The following MTA1 variants were observed in gnomAD, a reference collection of about 807,000 sequenced individuals.
MTA1 encodes metastasis-associated protein MTA1.
In MTA1, 15 loss-of-function variants were observed where a neutral mutation model predicts 97.0. That is an observed-to-expected ratio of 0.15 (90% confidence interval 0.10 to 0.24). The LOEUF (loss-of-function observed/expected upper bound fraction) is 0.24, where lower values mean the gene tolerates loss of function less well. Ranked by LOEUF, MTA1 falls within the 10% of genes least tolerant of loss-of-function variation. The pLI is 1.00. For synonymous variants in MTA1, 435 were observed against 417.5 expected, an observed-to-expected ratio of 1.04 and a Z score of -0.51; for missense variants, 709 against 1,015.1, an observed-to-expected ratio of 0.70 and a Z score of 4.10.
chr14:105,433,962 G>A (rs1324712636), intron 1 of MTA1, among the ~76,000 whole-genome samples: 1 of 152,088 alleles, frequency 6.6e-6, no homozygotes, highest in Non-Finnish European at 1.5e-5. Flanking sequence ...CACGTAGCTG[G>A]GACTACAGGT....
intron 13 of MTA1, 87 bp downstream of exon 13, chr14:105,464,234 C>T: frequency 6.8e-7 from 1 of 1,472,482 alleles, no homozygotes; most frequent in South Asian, 1.2e-5. Flanking sequence ...CCAGCATGGC[C>T]CAGCCTGCAA....
intron 7 of MTA1, among the ~76,000 whole-genome samples, chr14:105,455,589 C>T (rs1001470241): frequency 6.6e-6 from 1 of 152,244 alleles, no homozygotes; most frequent in Admixed American, 6.5e-5. Context: ...CTGTGTCGCC[C>T]AGGCTGGACT....
chr14:105,466,426 A>AGTGG lies in MTA1; in HGVS notation c.1626_1627insTGGG (p.Thr543TrpfsTer10). 1.3e-6 allele frequency: 2 copies of AGTGG among 1,484,200 alleles called. No individual in the cohort carries two copies. The highest frequency in any genetic ancestry group is 1.9e-6 in the Non-Finnish European group (2 of 1,071,300). The allele number at this position is 1,484,200 out of a possible 1,614,324, so 91.9% of individuals were successfully genotyped here. ...GTTCTGCCTGTGTCATTCCCGGCAG[A>AGTGG]GACCCACCCCCGCCCCCCCAAGCCT... On this transcript the variant is annotated frameshift_variant and splice_region_variant, in exon 17 of 21. Transcript: ENST00000331320. LOFTEE classifies it high-confidence loss of function.
In MTA1 at chr14:105,464,751, C is replaced by T. The variant is rs376573972; in HGVS notation, c.1422C>T (p.His474=). ...AGACCAGGCAGGCTTTCTATCTGCA[C>T]ACGACGAAGCTGACGCGGATCGCCC... The part of the protein sequence containing the change: ...AMKTRQAFYL[H]TTKLTRIARR... The change falls in exon 15 of 21, where the codon CAC becomes CAT. Residue 474 remains histidine (H), a synonymous_variant. Coordinates refer to ENST00000331320, the MANE Select transcript of MTA1 (RefSeq NM_004689.4). The T allele has an allele frequency of 6.8e-6, 11 of 1,610,104 alleles. No individual in the cohort carries two copies. Among genetic ancestry groups the T allele is most frequent in the South Asian group, 1.1e-5 (1 of 90,978 alleles).
chr14:105,433,353 C>T lies in MTA1; in HGVS notation c.29-5319C>T, dbSNP rs587664435. On this transcript the variant is annotated intron_variant, in intron 1 of 20. Transcript: ENST00000331320. ...CCGGTGTGGCTGCCCTCGGTCCCTCCGTCTCAGCCCCTCCAGAGGTCAGGC... is the reference window on the plus strand; with the variant it reads ...CCGGTGTGGCTGCCCTCGGTCCCTCTGTCTCAGCCCCTCCAGAGGTCAGGC... Among the ~76,000 whole-genome samples, 8 of 152,294 alleles carry T rather than the reference C, an allele frequency of 5.3e-5. No homozygotes were observed. The South Asian group carries it at 1.0e-3, about 20-fold the overall frequency.
At position 105,449,386 on chromosome 14, in the gene MTA1, CG is replaced by C; in HGVS notation, c.223del (p.Ala75ArgfsTer9). 6.2e-7 allele frequency: 1 copy of C among 1,612,326 alleles called. No homozygotes were observed. Among genetic ancestry groups the C allele is most frequent in the South Asian group, 1.1e-5 (1 of 90,938 alleles). On this transcript the variant is annotated frameshift_variant, in exon 4 of 21. Transcript: ENST00000331320. LOFTEE classifies it high-confidence loss of function. ...CTGTCAGTCTGCTATAAGGCCGGAC[CG>C]GGGGCGGACAACGGCGAGGAAGGTA... Reference protein sequence around the residue: ...ATLSVCYKAGPGADNGEEGEI... With the variant: ...ATLSVCYKAGXGADNGEEGEI...
chr14:105,449,267 G>C (rs2082829884), intron 3 of MTA1, 92 bp from the exon 4 acceptor site: 6 of 1,364,438 alleles, frequency 4.4e-6, no homozygotes, highest in Non-Finnish European at 6.0e-6. Context: ...CCTGCCCCCT[G>C]GCGGCACAGC....
chr14:105,420,138 G>T lies in MTA1; in HGVS notation c.28+75G>T, dbSNP rs2081775997. On this transcript the variant is annotated intron_variant, in intron 1 of 20. Coordinates refer to ENST00000331320, the MANE Select transcript of MTA1 (RefSeq NM_004689.4). This position sits in a 1 kb window ranked among gnomAD's most constrained non-coding sequence, Gnocchi z 5.3. ...ACCCGCCGCCGCTGCCGCCTCCCCC[G>T]CCCCTCTGCCCCGCAGGCCCCGCGC... The T allele has an allele frequency of 1.4e-6, 1 of 728,824 alleles. No individual in the cohort carries two copies. The highest frequency in any genetic ancestry group is 1.7e-6 in the Non-Finnish European group (1 of 601,348). The allele number at this position is 728,824 out of a possible 1,614,324, so 45.1% of individuals were successfully genotyped here. A position where few individuals can be genotyped will look rare whatever the true frequency, so the allele number is the denominator to read the frequency against.
intron 7 of MTA1, 100 bp from the exon 8 acceptor site, chr14:105,458,170 C>T (rs1168412251): frequency 4.4e-5 from 42 of 964,596 alleles, no homozygotes; most frequent in Middle Eastern, 2.7e-4. Context: ...GCAGCCCTTC[C>T]CCCTCCCCGT....
intron 18 of MTA1, 138 bp downstream of exon 18, chr14:105,466,880 C>T: frequency 1.2e-6 from 1 of 833,474 alleles, no homozygotes. Context: ...CAGCCCAGTT[C>T]CCCACATTCC....
intron 18 of MTA1, 124 bp from the exon 19 acceptor site, chr14:105,469,343 G>A: frequency 2.7e-6 from 3 of 1,098,370 alleles, no homozygotes. Context: ...CCTGGGTGTG[G>A]GCTGTGGCTT....
At position 105,463,654 on chromosome 14, in the gene MTA1, AG is replaced by A. The variant is rs2083447732; in HGVS notation, c.1076+105del. On this transcript the variant is annotated intron_variant, in intron 12 of 20. Transcript: ENST00000331320. The surrounding 1 kb of genome is among the most constrained non-coding windows in gnomAD (Gnocchi z 5.9). ...GGGTCCCAAGGAAACTCAAGCTCAG[AG>A]GCTGGGAAAGTTGGGGCAGCCCCCG... The A allele has an allele frequency of 8.1e-7, 1 of 1,237,446 alleles. No individual in the cohort carries two copies. Among genetic ancestry groups the A allele is most frequent in the African/African-American group, 1.5e-5 (1 of 66,260 alleles). The allele number at this position is 1,237,446 out of a possible 1,614,324, so 76.7% of individuals were successfully genotyped here. A position where few individuals can be genotyped will look rare whatever the true frequency, so the allele number is the denominator to read the frequency against.
In MTA1 at chr14:105,463,391, CCT is replaced by C; in HGVS notation, c.1018-98_1018-97del. 6.6e-7 allele frequency: 1 copy of C among 1,504,738 alleles called. No individual in the cohort carries two copies. Among genetic ancestry groups the C allele is most frequent in the Non-Finnish European group, 9.2e-7 (1 of 1,084,548 alleles). The allele number at this position is 1,504,738 out of a possible 1,614,324, so 93.2% of individuals were successfully genotyped here. A position where few individuals can be genotyped will look rare whatever the true frequency, so the allele number is the denominator to read the frequency against. On this transcript the variant is annotated intron_variant, in intron 11 of 20. Coordinates refer to ENST00000331320, the MANE Select transcript of MTA1 (RefSeq NM_004689.4). This position sits in a 1 kb window ranked among gnomAD's most constrained non-coding sequence, Gnocchi z 5.9. ...ACTCCTGAGTCCCTGGCCCGGCTGT[CCT>C]CTCCGTGGTGCTCTCCTCTCCGTAG...
chr14:105,446,040 A>G (rs1407267428), intron 3 of MTA1, among the ~76,000 whole-genome samples: 3 of 152,084 alleles, frequency 2.0e-5, no homozygotes, highest in African/African-American at 7.2e-5. Flanking sequence ...GGAGGAAGCC[A>G]CTGGCTGCAT....
chr14:105,455,776 G>A (rs2083123881), intron 7 of MTA1, among the ~76,000 whole-genome samples: 1 of 152,254 alleles, frequency 6.6e-6, no homozygotes, highest in Non-Finnish European at 1.5e-5. Context: ...TACATTGCAA[G>A]CATCTGTGCT....
intron 13 of MTA1, 81 bp from the exon 14 acceptor site, chr14:105,464,335 C>T (rs587705287): frequency 5.1e-5 from 65 of 1,274,014 alleles, no homozygotes; most frequent in South Asian, 3.8e-4. Flanking sequence ...TGGGGGCGGC[C>T]GGCGTGGGGG....
chr14:105,460,467 C>A lies in MTA1; in HGVS notation c.753+10C>A. 6.2e-7 allele frequency: 1 copy of A among 1,602,766 alleles called. No homozygotes were observed. Among genetic ancestry groups the A allele is most frequent in the African/African-American group, 1.3e-5 (1 of 74,880 alleles). ...CCGAGACATCACCCTGGTAAGTGGG[C>A]CCAGGGCGGGACAGGTGAGACCTGG... On this transcript the variant is annotated intron_variant, in intron 9 of 20. Coordinates refer to ENST00000331320, the MANE Select transcript of MTA1 (RefSeq NM_004689.4).
At chr14:105,426,269 G>C (rs1261207729) in intron 1 of MTA1, among the ~76,000 whole-genome samples, 2 of 151,218 alleles carry the variant, frequency 1.3e-5, no homozygotes, top group Non-Finnish European at 2.9e-5. Flanking sequence ...AGCGGCAGCG[G>C]CTCCTGGTAC....
rs1437834380 is a variant in MTA1 at position 105,470,598 on chromosome 14, C to A, written c.*383C>A. ...AGATGAACTTGAGCTCTGTAACTTA[C>A]ACCTGGAATGTTAGGATCGTGCGGC... On this transcript the variant is annotated 3_prime_UTR_variant, in exon 21 of 21. Coordinates refer to ENST00000331320, the MANE Select transcript of MTA1 (RefSeq NM_004689.4). 5.3e-6 allele frequency: 1 copy of A among 187,886 alleles called. No homozygotes were observed. Among genetic ancestry groups the A allele is most frequent in the Non-Finnish European group, 1.1e-5 (1 of 92,862 alleles). 11.6% of individuals were successfully genotyped at this position (187,886 alleles called of 1,614,324 possible). A position where few individuals can be genotyped will look rare whatever the true frequency, so the allele number is the denominator to read the frequency against.
Sources: allele counts gnomAD v4.1 joint callset (sites outside exome capture counted in the v4.1 genomes callset), GRCh38; gene constraint gnomAD v4.1.1; non-coding constraint Gnocchi (gnomAD v3.1); transcripts MANE v1.5; gene names NCBI Gene and HGNC (gene_info 2026-07-23, HGNC 2026-07-21).